The following ATP2B2 variants were observed in gnomAD, a reference collection of about 807,000 sequenced individuals.
ATP2B2 encodes plasma membrane calcium-transporting ATPase 2.
A neutral mutation model predicts 120.0 loss-of-function variants in ATP2B2; 15 were observed. The ratio of observed to expected loss-of-function variants is 0.12; its 90% confidence interval spans 0.08 to 0.19. The LOEUF is 0.19. ATP2B2 is among the 10% of genes least tolerant of loss of function. The pLI, the probability that ATP2B2 is intolerant of heterozygous loss-of-function variation, is 1.00. For synonymous variants in ATP2B2, 694 were observed against 700.3 expected, an observed-to-expected ratio of 0.99 and a Z score of 0.14; for missense variants, 1,045 against 1,719.8, an observed-to-expected ratio of 0.61 and a Z score of 6.94.
intron 1 of ATP2B2, among the ~76,000 whole-genome samples, chr3:10,675,273 C>T (rs1450506524): frequency 6.6e-6 from 1 of 152,194 alleles, no homozygotes; most frequent in East Asian, 1.9e-4. Context: ...TCTGCTGGGT[C>T]CCCTGTGATT....
chr3:10,515,873 A>G (rs982051596), intron 3 of ATP2B2, among the ~76,000 whole-genome samples: 1 of 152,176 alleles, frequency 6.6e-6, no homozygotes, highest in African/African-American at 2.4e-5. Flanking sequence ...TAGCTTAAAA[A>G]CTACCTGTAA....
chr3:10,333,011 T>C (rs1418764447), intron 22 of ATP2B2, among the ~76,000 whole-genome samples: 1 of 152,190 alleles, frequency 6.6e-6, no homozygotes, highest in African/African-American at 2.4e-5. Flanking sequence ...CCTCGTGCCA[T>C]GTGCCTTGTG....
At chr3:10,506,373 C>T (rs1258913437), upstream of ATP2B2, among the ~76,000 whole-genome samples, 1 of 152,156 alleles carries the variant, frequency 6.6e-6, no homozygotes, top group Non-Finnish European at 1.5e-5. Context: ...TGTACACCCA[C>T]CTAATCTTCA....
chr3:10,462,573 T>A (rs1159238742), intron 1 of ATP2B2, among the ~76,000 whole-genome samples: 3 of 152,122 alleles, frequency 2.0e-5, no homozygotes, highest in Non-Finnish European at 2.9e-5. Context: ...AACAACCCCA[T>A]GAGGTAGGTA....
At chr3:10,444,518 G>A (rs535617586) in intron 2 of ATP2B2, among the ~76,000 whole-genome samples, 1 of 152,328 alleles carries the variant, frequency 6.6e-6, no homozygotes, top group African/African-American at 2.4e-5. Flanking sequence ...TGGGCAGGCT[G>A]TGGGATTCAT....
chr3:10,668,262 G>A (rs563412892), intron 1 of ATP2B2, among the ~76,000 whole-genome samples: 2 of 152,208 alleles, frequency 1.3e-5, no homozygotes, highest in Non-Finnish European at 1.5e-5. Flanking sequence ...TGTCACCATC[G>A]GGTAAAGGTT....
chr3:10,499,886 A>G (rs1217691061), intron 1 of ATP2B2, among the ~76,000 whole-genome samples: 1 of 151,928 alleles, frequency 6.6e-6, no homozygotes, highest in East Asian at 1.9e-4. Context: ...ACCTGGGTTC[A>G]AATCCCAGCT....
intron 12 of ATP2B2, 68 bp from the exon 13 acceptor site, chr3:10,360,191 C>T: frequency 6.6e-7 from 1 of 1,520,064 alleles, no homozygotes. Flanking sequence ...CCCTGGCTGC[C>T]ACTGAGGCTC....
chr3:10,594,899 C>T (rs375758844), intron 2 of ATP2B2, among the ~76,000 whole-genome samples: 15 of 152,272 alleles, frequency 9.9e-5, no homozygotes, highest in African/African-American at 3.4e-4. Flanking sequence ...GTTAAGGTCA[C>T]CAGCTGGTTA....
At chr3:10,527,879 CA>C (rs1186363578) in intron 3 of ATP2B2, among the ~76,000 whole-genome samples, 2 of 151,560 alleles carry the variant, frequency 1.3e-5, no homozygotes, top group Non-Finnish European at 2.9e-5. Flanking sequence ...CCACACCCTG[CA>C]AGGTGGCCAC....
At chr3:10,504,245 C>A (rs1207335366) in intron 1 of ATP2B2, among the ~76,000 whole-genome samples, 1 of 151,934 alleles carries the variant, frequency 6.6e-6, no homozygotes, top group Non-Finnish European at 1.5e-5. Flanking sequence ...CAGGCGGAGG[C>A]CCCCAAGGCC....
At chr3:10,379,352 C>T (rs2061467708) in intron 8 of ATP2B2, 68 bp from the exon 9 acceptor site, 1 of 1,517,144 alleles carries the variant, frequency 6.6e-7, no homozygotes. Context: ...CACGAAGACG[C>T]AACAGGCCAC....
At chr3:10,498,757 G>C (rs1006807128) in intron 1 of ATP2B2, among the ~76,000 whole-genome samples, 1 of 152,190 alleles carries the variant, frequency 6.6e-6, no homozygotes, top group Non-Finnish European at 1.5e-5. Flanking sequence ...ACCCCAAACG[G>C]TGTCATCCAT....
intron 2 of ATP2B2, among the ~76,000 whole-genome samples, chr3:10,427,171 A>G (rs1373732671): frequency 6.6e-6 from 1 of 152,128 alleles, no homozygotes; most frequent in African/African-American, 2.4e-5. Context: ...CTCTCTTTCA[A>G]TCCCTGGTCC....
At chr3:10,336,422 C>G in intron 22 of ATP2B2, 1 of 1,035,734 alleles carries the variant, frequency 9.7e-7, no homozygotes, top group Non-Finnish European at 1.4e-6. Context: ...TCACTTAAAT[C>G]AAAACAAAAA....
chr3:10,519,921 G>C (rs560870178), intron 3 of ATP2B2, among the ~76,000 whole-genome samples: 11 of 152,270 alleles, frequency 7.2e-5, no homozygotes, highest in African/African-American at 2.4e-4. Flanking sequence ...CGAATGCAGG[G>C]GTTTTTCTCA....
intron 2 of ATP2B2, among the ~76,000 whole-genome samples, chr3:10,540,254 C>T (rs1002737189): frequency 6.6e-6 from 1 of 152,184 alleles, no homozygotes; most frequent in African/African-American, 2.4e-5. Flanking sequence ...AATAGGAACA[C>T]TTTTACACTG....
At chr3:10,527,271 T>C (rs1054866996) in intron 3 of ATP2B2, among the ~76,000 whole-genome samples, 1 of 152,202 alleles carries the variant, frequency 6.6e-6, no homozygotes, top group Non-Finnish European at 1.5e-5. Flanking sequence ...GTTGAAGGGC[T>C]CCCTCGCTTA....
At chr3:10,557,482 G>A (rs996977006) in intron 2 of ATP2B2, among the ~76,000 whole-genome samples, 16 of 152,180 alleles carry the variant, frequency 1.1e-4, no homozygotes, top group Admixed American at 3.9e-4. Flanking sequence ...TAGGAAAGCC[G>A]ATGCAGGAAA....
Sources: gnomAD v4.1 joint callset for allele counts (sites outside exome capture counted in the v4.1 genomes callset) on GRCh38, gnomAD v4.1.1 for gene constraint, MANE v1.5 for transcripts, NCBI Gene and HGNC (gene_info 2026-07-23, HGNC 2026-07-21) for gene names.